Variants in SLC24A3 observed in about 807,000 individuals in gnomAD.
The protein encoded by SLC24A3 is solute carrier family 24 member 3.
Under a neutral mutation model 75.8 loss-of-function variants are expected in SLC24A3, and 28 were observed. That is an observed-to-expected ratio of 0.37 (90% CI 0.27 to 0.51). The LOEUF (loss-of-function observed/expected upper bound fraction) is 0.51, where lower values mean the gene tolerates loss of function less well. Ranked by LOEUF, SLC24A3 falls within the 20% of genes least tolerant of loss-of-function variation. The pLI is 0.94. For missense variants in SLC24A3, 663 were observed against 847.8 expected (o/e 0.78, Z 2.71); for synonymous variants, 372 against 334.1 (o/e 1.11, Z -1.24).
chr20:19,333,748 A>C (rs1255932098), intron 2 of SLC24A3, among the ~76,000 whole-genome samples: 2 of 151,950 alleles, frequency 1.3e-5, no homozygotes, highest in Non-Finnish European at 2.9e-5. Flanking sequence ...ATTCTGAAAA[A>C]TGGAGGGGAA....
At chr20:19,513,039 A>G (rs1293994329) in intron 2 of SLC24A3, among the ~76,000 whole-genome samples, 3 of 152,200 alleles carry the variant, frequency 2.0e-5, no homozygotes, top group African/African-American at 7.2e-5. Flanking sequence ...GAACAATAGG[A>G]GAGGTGACCT....
intron 1 of SLC24A3, among the ~76,000 whole-genome samples, chr20:19,218,250 C>T (rs1475290683): frequency 6.6e-6 from 1 of 152,184 alleles, no homozygotes; most frequent in African/African-American, 2.4e-5. Context: ...TGGCGCAAAA[C>T]TAACTGCAGG....
At chr20:19,264,390 A>G (rs190379547) in intron 1 of SLC24A3, among the ~76,000 whole-genome samples, 1 of 152,170 alleles carries the variant, frequency 6.6e-6, no homozygotes, top group Non-Finnish European at 1.5e-5. Flanking sequence ...CCCCAAGCAT[A>G]CGCTATGTGT....
At chr20:19,336,870 G>C (rs1985148694) in intron 2 of SLC24A3, among the ~76,000 whole-genome samples, 1 of 152,010 alleles carries the variant, frequency 6.6e-6, no homozygotes, top group Non-Finnish European at 1.5e-5. Context: ...TTTATAAAAT[G>C]TACACGAACA....
chr20:19,660,295 C>G (rs943273826), intron 7 of SLC24A3, among the ~76,000 whole-genome samples: 5 of 152,002 alleles, frequency 3.3e-5, no homozygotes, highest in African/African-American at 1.2e-4. Context: ...CTCCCACCCC[C>G]CCACCTTCTA....
chr20:19,415,034 C>G (rs1177422631), intron 2 of SLC24A3, among the ~76,000 whole-genome samples: 3 of 152,108 alleles, frequency 2.0e-5, no homozygotes, highest in Non-Finnish European at 4.4e-5. Flanking sequence ...ACTTCAAATT[C>G]TTTTTATTTT....
intron 2 of SLC24A3, among the ~76,000 whole-genome samples, chr20:19,406,181 G>GGT (rs372463704): frequency 0.054 from 7,903 of 145,248 alleles, 257 homozygotes; most frequent in Middle Eastern, 0.1. Flanking sequence ...TTTTAAAGAT[G>GGT]GTGTGTGTGT....
intron 7 of SLC24A3, among the ~76,000 whole-genome samples, chr20:19,655,164 C>T (rs149245230): frequency 1.3e-5 from 2 of 152,300 alleles, no homozygotes; most frequent in Non-Finnish European, 1.5e-5. Context: ...TCTGCATTGC[C>T]GGCCTGACGC....
chr20:19,222,489 CA>C lies in SLC24A3; in HGVS notation c.142+9506del, dbSNP rs140692772. 1.6e-4 allele frequency among the ~76,000 whole-genome samples: 24 copies of C among 152,200 alleles called. No homozygotes were observed. In the East Asian group the frequency reaches 3.7e-3, roughly 23 times the overall value. ...CATATCTCAAGTTTTAGATCTCTGT[CA>C]GGGGGTGGTCAGTTTTCCCAGAGAA... On this transcript the variant is annotated intron_variant, in intron 1 of 16. Transcript: ENST00000328041.
At chr20:19,589,068 A>C (rs2031338015) in intron 6 of SLC24A3, among the ~76,000 whole-genome samples, 1 of 152,224 alleles carries the variant, frequency 6.6e-6, no homozygotes, top group African/African-American at 2.4e-5. Flanking sequence ...CAAAGATTGC[A>C]CCTCTGAATT....
intron 2 of SLC24A3, among the ~76,000 whole-genome samples, chr20:19,492,544 C>A (rs1036167530): frequency 9.2e-5 from 14 of 152,206 alleles, no homozygotes; most frequent in Admixed American, 6.5e-5. Context: ...GAAGTTAATA[C>A]TGTGGTAGAA....
In SLC24A3 at chr20:19,585,482, G is replaced by A. The variant is rs765014186; in HGVS notation, c.550G>A (p.Val184Met). ...TKGDVGVGTI[V>M]GSAVFNILCI... ...AGGCGATGTGGGAGTTGGCACCATC[G>A]TGGGCTCAGCGGTATTCAACATCCT... Residue 184 changes from valine (V) to methionine (M), a missense_variant, in exon 6 of 17, where the codon GTG (valine) becomes ATG (methionine). This residue lies in a region of SLC24A3 where 510 missense variants were observed against 703.6 expected (regional missense o/e 0.72). Transcript: ENST00000328041. 3.1e-6 allele frequency: 5 copies of A among 1,614,056 alleles called. No homozygotes were observed. The highest frequency in any genetic ancestry group is 4.2e-6 in the Non-Finnish European group (5 of 1,180,036).
chr20:19,691,764 G>A (rs966197069), intron 12 of SLC24A3, among the ~76,000 whole-genome samples: 2 of 152,198 alleles, frequency 1.3e-5, no homozygotes. Context: ...AACGACTTGT[G>A]AGCTCATGTT....
intron 6 of SLC24A3, among the ~76,000 whole-genome samples, chr20:19,611,954 G>A (rs1481755897): frequency 6.6e-6 from 1 of 152,108 alleles, no homozygotes; most frequent in Non-Finnish European, 1.5e-5. Flanking sequence ...TACCTCCCCT[G>A]CCTGCCCACC....
chr20:19,337,704 T>C (rs73605516), intron 2 of SLC24A3, among the ~76,000 whole-genome samples: 8,475 of 152,240 alleles, frequency 0.056, 631 homozygotes, highest in East Asian at 0.26. Flanking sequence ...GCATTTACTA[T>C]GGCTTATGAG....
intron 1 of SLC24A3, among the ~76,000 whole-genome samples, chr20:19,216,008 G>T (rs1981542444): frequency 6.6e-6 from 1 of 152,160 alleles, no homozygotes; most frequent in African/African-American, 2.4e-5. Flanking sequence ...TATGTGCCAG[G>T]CAATGCGCTA....
At chr20:19,265,725 G>C (rs1290015087) in intron 1 of SLC24A3, 2 of 152,666 alleles carry the variant, frequency 1.3e-5, no homozygotes, top group African/African-American at 4.8e-5. Context: ...TGGTCTGACT[G>C]TACTCACCTT....
chr20:19,441,409 A>G (rs752562163), intron 2 of SLC24A3, among the ~76,000 whole-genome samples: 4 of 152,212 alleles, frequency 2.6e-5, no homozygotes, highest in African/African-American at 9.6e-5. Flanking sequence ...TGCAGTTAGC[A>G]TGGACTCAAT....
intron 2 of SLC24A3, among the ~76,000 whole-genome samples, chr20:19,329,931 T>G (rs1385133283): frequency 6.6e-6 from 1 of 152,216 alleles, no homozygotes; most frequent in Admixed American, 6.5e-5. Context: ...ATTTTGCTTG[T>G]TCCAGGTTGG....
Sources: allele counts gnomAD v4.1 joint callset (sites outside exome capture counted in the v4.1 genomes callset), GRCh38; gene constraint gnomAD v4.1.1; regional missense constraint gnomAD v4.1.1; transcripts MANE v1.5; gene names NCBI Gene and HGNC (gene_info 2026-07-23, HGNC 2026-07-21).